Variants in DLG2 observed in about 807,000 individuals in gnomAD.
DLG2 encodes the protein disks large homolog 2.
Under a neutral mutation model 132.5 loss-of-function variants are expected in DLG2, and 45 were observed. The observed-to-expected ratio is 0.34, with a 90% confidence interval of 0.27 to 0.44. DLG2 has a LOEUF of 0.44. DLG2 is among the 20% of genes least tolerant of loss of function. The pLI is 1.00. For synonymous variants in DLG2, 424 were observed against 419.6 expected, an observed-to-expected ratio of 1.01 and a Z score of -0.13; for missense variants, 1,045 against 1,196.9, an observed-to-expected ratio of 0.87 and a Z score of 1.87.
At chr11:85,203,296 CA>C (rs1374075370) in intron 4 of DLG2, among the ~76,000 whole-genome samples, 1 of 150,494 alleles carries the variant, frequency 6.6e-6, no homozygotes, top group South Asian at 2.1e-4. Flanking sequence ...TAGATTAAGA[CA>C]AAAAAAGAGA....
intron 6 of DLG2, among the ~76,000 whole-genome samples, chr11:84,601,478 AAAGAC>A (rs905581937): frequency 6.6e-6 from 1 of 152,092 alleles, no homozygotes; most frequent in African/African-American, 2.4e-5. Flanking sequence ...TAAGTAATCA[AAAGAC>A]AAGACAGGCA....
At chr11:85,533,601 T>G (rs1369554453) in intron 3 of DLG2, among the ~76,000 whole-genome samples, 3 of 152,028 alleles carry the variant, frequency 2.0e-5, no homozygotes, top group African/African-American at 4.8e-5. Flanking sequence ...GGTGCTGCAA[T>G]AAACATGCAA....
intron 26 of DLG2, among the ~76,000 whole-genome samples, chr11:83,464,861 A>T (rs190196353): frequency 6.6e-6 from 1 of 152,192 alleles, no homozygotes; most frequent in Non-Finnish European, 1.5e-5. Flanking sequence ...GGCCTTTAAG[A>T]TGGCTGTTCC....
chr11:84,013,231 C>T (rs137962750), intron 11 of DLG2, among the ~76,000 whole-genome samples: 1 of 152,228 alleles, frequency 6.6e-6, no homozygotes, highest in Non-Finnish European at 1.5e-5. Flanking sequence ...GCTATTATAG[C>T]CACCTTATCT....
At chr11:85,504,112 G>C (rs1210229727) in intron 3 of DLG2, among the ~76,000 whole-genome samples, 1 of 152,164 alleles carries the variant, frequency 6.6e-6, no homozygotes, top group Non-Finnish European at 1.5e-5. Flanking sequence ...CTGGATATTA[G>C]CTCTTTGTCA....
chr11:84,656,774 T>C (rs1487098120), intron 6 of DLG2, among the ~76,000 whole-genome samples: 2 of 152,102 alleles, frequency 1.3e-5, no homozygotes, highest in Non-Finnish European at 2.9e-5. Context: ...TAAAGGGACA[T>C]AAGATTATCT....
At position 83,972,063 on chromosome 11, in the gene DLG2, A is replaced by G. The variant is rs1040016650; in HGVS notation, c.1057-6595T>C. Among the ~76,000 whole-genome samples, 9 of 152,294 alleles carry G rather than the reference A, an allele frequency of 5.9e-5. No individual in the cohort carries two copies. The East Asian group carries it at 1.7e-3, about 29-fold the overall frequency. The stretch of plus-strand genomic sequence containing the variant: ...GTCATTATGAGACACACACAGCAGC[A>G]TCTCATGAGTAATGAAAATCGGAAT... On this transcript the variant is annotated intron_variant, in intron 12 of 27. Transcript: ENST00000376104.
chr11:85,055,165 A>G (rs2063325184), intron 6 of DLG2, among the ~76,000 whole-genome samples: 1 of 152,202 alleles, frequency 6.6e-6, no homozygotes, highest in African/African-American at 2.4e-5. Flanking sequence ...AATGGACACA[A>G]TCATATAAAA....
At chr11:84,916,152 C>T (rs1001154430) in intron 6 of DLG2, among the ~76,000 whole-genome samples, 16 of 151,060 alleles carry the variant, frequency 1.1e-4, no homozygotes, top group African/African-American at 2.7e-4. Context: ...GAGACCATCC[C>T]GGCTAAAACG....
chr11:85,020,748 A>T (rs1405735296), intron 6 of DLG2: 1 of 658,978 alleles, frequency 1.5e-6, no homozygotes. Context: ...GGATAATGGG[A>T]TAAGATTTCT....
chr11:85,429,125 G>GCTTA (rs2153009113), intron 3 of DLG2, among the ~76,000 whole-genome samples: 1 of 152,216 alleles, frequency 6.6e-6, no homozygotes, highest in African/African-American at 2.4e-5. Context: ...CTGAAATTGA[G>GCTTA]GCAATAATTA....
intron 3 of DLG2, among the ~76,000 whole-genome samples, chr11:85,403,755 C>T (rs1350541730): frequency 6.6e-6 from 1 of 151,872 alleles, no homozygotes; most frequent in African/African-American, 2.4e-5. Context: ...GGGAAGATGC[C>T]TCTGGTAGAT....
At position 83,786,683 on chromosome 11, in the gene DLG2, G is replaced by A. The variant is rs369523297; in HGVS notation, c.1825+7C>T. ...TCAGAACATTATTAGTTTGAGTTCT[G>A]ACTGACCTTCAGGTTGATATTGTGC... On this transcript the variant is annotated splice_region_variant and intron_variant, in intron 18 of 27. Coordinates refer to ENST00000376104, the MANE Select transcript of DLG2 (RefSeq NM_001142699.3). The A allele has an allele frequency of 2.6e-5, 42 of 1,610,762 alleles. No homozygotes were observed. The highest frequency in any genetic ancestry group is 9.3e-6 in the Non-Finnish European group (11 of 1,177,144).
chr11:84,039,134 ACATT>A (rs1217838108), intron 11 of DLG2, among the ~76,000 whole-genome samples: 2 of 152,068 alleles, frequency 1.3e-5, no homozygotes, highest in African/African-American at 4.8e-5. Flanking sequence ...CCATTTCAGT[ACATT>A]CATTTTATTC....
intron 7 of DLG2, among the ~76,000 whole-genome samples, chr11:84,490,886 C>CGTGTGTGTGTGTGTGT (rs113318666): frequency 1.4e-5 from 2 of 147,846 alleles, no homozygotes; most frequent in African/African-American, 4.9e-5. Flanking sequence ...TGAATGGTTG[C>CGTGTGTGTGTGTGTGT]GTGTGTGTGT....
chr11:84,168,836 C>CACACAT (rs914929619), intron 8 of DLG2, among the ~76,000 whole-genome samples: 1 of 150,948 alleles, frequency 6.6e-6, no homozygotes, highest in African/African-American at 2.4e-5. Flanking sequence ...TACACACACA[C>CACACAT]ACACACACAC....
chr11:83,680,559 T>C (rs1592324420), intron 18 of DLG2, among the ~76,000 whole-genome samples: 1 of 152,164 alleles, frequency 6.6e-6, no homozygotes, highest in Admixed American at 6.6e-5. Flanking sequence ...AGACCCCTTG[T>C]GGGGCAGCCG....
intron 3 of DLG2, among the ~76,000 whole-genome samples, chr11:85,465,278 G>A (rs1253248684): frequency 6.6e-6 from 1 of 151,144 alleles, no homozygotes; most frequent in East Asian, 1.9e-4. Flanking sequence ...AAGTAGCTGT[G>A]ACTACTTCAT....
At chr11:84,640,965 CA>C (rs372969825) in intron 6 of DLG2, among the ~76,000 whole-genome samples, 9 of 138,714 alleles carry the variant, frequency 6.5e-5, no homozygotes, top group African/African-American at 1.3e-4. Flanking sequence ...AAAAAAAAAA[CA>C]AAAAAAAAAC....
Sources: allele counts gnomAD v4.1 joint callset (sites outside exome capture counted in the v4.1 genomes callset), GRCh38; gene constraint gnomAD v4.1.1; transcripts MANE v1.5; gene names NCBI Gene and HGNC (gene_info 2026-07-23, HGNC 2026-07-21).